Variants in SPTBN5 observed in about 807,000 individuals in gnomAD.
SPTBN5 encodes the protein spectrin beta chain, non-erythrocytic 5.
A neutral mutation model predicts 477.6 loss-of-function variants in SPTBN5; 513 were observed. The ratio of observed to expected loss-of-function variants is 1.07; its 90% CI spans 1.00 to 1.16. The LOEUF is 1.16. Ranked by LOEUF, SPTBN5 falls within the 50% of genes most tolerant of loss-of-function variation. The pLI, the probability that SPTBN5 is intolerant of heterozygous loss-of-function variation, is 0.00. For synonymous variants in SPTBN5, 2,169 were observed against 2,011.7 expected (o/e 1.08, Z -2.09); for missense variants, 5,062 against 4,731.8 (o/e 1.07, Z -2.05).
Position 41,855,750 on chromosome 15 carries a change from G to A in SPTBN5, c.9022-5C>T, listed in dbSNP as rs766672255. 2.1e-5 allele frequency: 33 copies of A among 1,570,352 alleles called. No individual in the cohort carries two copies. In the Admixed American group the frequency reaches 5.7e-4, roughly 27 times the overall value. The stretch of plus-strand genomic sequence containing the variant: ...CCAGGATCCCGCCTCCAGGAGCTGG[G>A]GGTGACAGAGTGGAGATCCGTTTTC... On this transcript the variant is annotated splice_region_variant and splice_polypyrimidine_tract_variant and intron_variant, in intron 53 of 67. Transcript: ENST00000320955.
chr15:41,849,310 A>G (rs1167690284), intron 67 of SPTBN5, among the ~76,000 whole-genome samples: 1 of 152,168 alleles, frequency 6.6e-6, no homozygotes, highest in Non-Finnish European at 1.5e-5. Context: ...GCCCCTGCAC[A>G]TCCACCTTCG....
intron 27 of SPTBN5, 144 bp downstream of exon 27, chr15:41,872,158 G>A (rs2066565547): frequency 2.6e-6 from 3 of 1,167,276 alleles, no homozygotes; most frequent in Admixed American, 5.7e-5. Flanking sequence ...TATGGAAAGA[G>A]GTGAGCAACA....
In SPTBN5 at chr15:41,848,604, C is replaced by T; in HGVS notation, c.*12G>A. 1.2e-6 allele frequency: 2 copies of T among 1,613,928 alleles called. No individual in the cohort carries two copies. The highest frequency in any genetic ancestry group is 1.1e-5 in the South Asian group (1 of 91,078). Reference sequence around the variant, plus strand: ...TGTGCCCCTGAAGTTTGGTGTTGCACTGGGGTTCACCTCAGGGATCAGACC... The same window carrying T: ...TGTGCCCCTGAAGTTTGGTGTTGCATTGGGGTTCACCTCAGGGATCAGACC... On this transcript the variant is annotated 3_prime_UTR_variant, in exon 68 of 68. Transcript: ENST00000320955.
intron 34 of SPTBN5, 145 bp from the exon 35 acceptor site, chr15:41,867,787 T>G: frequency 1.1e-6 from 1 of 876,920 alleles, no homozygotes; most frequent in Non-Finnish European, 1.8e-6. Context: ...GGAGTGGGAG[T>G]CCAGGTTGGG....
chr15:41,874,700 G>GAAT, intron 23 of SPTBN5, 142 bp downstream of exon 23: 1 of 943,002 alleles, frequency 1.1e-6, no homozygotes, highest in Non-Finnish European at 1.6e-6. Context: ...AAGCATAATG[G>GAAT]GGTCTCCGAC....
rs564280879 is a variant in SPTBN5 at position 41,891,769 on chromosome 15, C to A, written c.384+1125G>T. Among the ~76,000 whole-genome samples, 29 of 152,308 alleles carry A rather than the reference C, an allele frequency of 1.9e-4. No homozygotes were observed. In the South Asian group the frequency reaches 4.3e-3, roughly 23 times the overall value. ...CAGGGCATGGGAGCATCTCCATAAG[C>A]GAATGCATCCCTCATTCTGCCACAC... On this transcript the variant is annotated intron_variant, in intron 3 of 67. Coordinates refer to ENST00000320955, the MANE Select transcript of SPTBN5 (RefSeq NM_016642.4).
intron 41 of SPTBN5, among the ~76,000 whole-genome samples, chr15:41,863,352 CA>C (rs1567196733): frequency 1.3e-5 from 2 of 152,226 alleles, no homozygotes; most frequent in Admixed American, 6.5e-5. Flanking sequence ...GTTATGTACA[CA>C]GTCCCAGGGC....
In SPTBN5 at chr15:41,860,634, T is replaced by C; in HGVS notation, c.7940A>G (p.His2647Arg). ...ATARGLHQGG[H>R]PEAQSALGRC... ...GCCCAGGGCACTCTGGGCCTCGGGG[T>C]GCCCACCCTGGTGCAGGCCGCGGGC... Residue 2647 changes from histidine to arginine, a missense_variant, in exon 47 of 68, where the codon CAC (histidine) becomes CGC (arginine). Coordinates refer to ENST00000320955, the MANE Select transcript of SPTBN5 (RefSeq NM_016642.4). 1 of 1,533,560 alleles carries C rather than the reference T, an allele frequency of 6.5e-7. No homozygotes were observed. Among genetic ancestry groups the C allele is most frequent in the Non-Finnish European group, 8.8e-7 (1 of 1,138,918 alleles). The allele number at this position is 1,533,560 out of a possible 1,614,324, so 95.0% of individuals were successfully genotyped here.
rs991515926 is a variant in SPTBN5 at position 41,848,344 on chromosome 15, G to C, written c.*272C>G. 2.0e-5 allele frequency: 11 copies of C among 562,404 alleles called. No homozygotes were observed. The African/African-American group carries it at 2.1e-4, about 11-fold the overall frequency. 34.8% of individuals were successfully genotyped at this position (562,404 alleles called of 1,614,324 possible). A position where few individuals can be genotyped will look rare whatever the true frequency, so the allele number is the denominator to read the frequency against. ...AAGGAGGAGGCCACATGGGCCTGGG[G>C]TAGCCCTGGCCTTGCCCACCTGCTC... is the stretch of plus-strand genomic sequence containing the variant. On this transcript the variant is annotated 3_prime_UTR_variant, in exon 68 of 68. Transcript: ENST00000320955.
intron 5 of SPTBN5, 33 bp from the exon 6 acceptor site, chr15:41,887,474 C>A: frequency 2.0e-6 from 3 of 1,483,526 alleles, no homozygotes; most frequent in Middle Eastern, 3.5e-4. Flanking sequence ...TCTTCACCAG[C>A]AGGAACCTAC....
intron 66 of SPTBN5, 80 bp from the exon 67 acceptor site, chr15:41,850,039 C>A: frequency 9.3e-6 from 11 of 1,178,552 alleles, no homozygotes; most frequent in Non-Finnish European, 1.1e-5. Context: ...CTTCCTCCAG[C>A]TTCTGGAGGC....
At chr15:41,884,724 G>T (rs969244450) in intron 7 of SPTBN5, among the ~76,000 whole-genome samples, 2 of 152,088 alleles carry the variant, frequency 1.3e-5, no homozygotes, top group African/African-American at 2.4e-5. Flanking sequence ...ACTGTGCCCT[G>T]CAAGGCCCGA....
chr15:41,850,512 CAG>C (rs2065717446), intron 66 of SPTBN5: 1 of 315,720 alleles, frequency 3.2e-6, no homozygotes, highest in Non-Finnish European at 5.9e-6. Flanking sequence ...TCAGACAGAA[CAG>C]AGCCTGGAAA....
Position 41,862,457 on chromosome 15 carries a change from G to C in SPTBN5, c.7385+82C>G, listed in dbSNP as rs1205779370. On this transcript the variant is annotated intron_variant, in intron 43 of 67. Transcript: ENST00000320955. ...TTGAAGGGTGGAGAAGGAATCCTAG[G>C]GGAACACAGGGGCTGAGGGGAGGTG... 4.6e-6 allele frequency: 7 copies of C among 1,534,590 alleles called. No individual in the cohort carries two copies. The African/African-American group carries it at 9.6e-5, about 21-fold the overall frequency.
In SPTBN5 at chr15:41,893,274, A is replaced by G. The variant is rs1167963042; in HGVS notation, c.216+8T>C. The G allele has an allele frequency of 6.2e-7, 1 of 1,613,918 alleles. No individual in the cohort carries two copies. The highest frequency in any genetic ancestry group is 2.2e-5 in the East Asian group (1 of 44,876). ...GGTGGGCTGTGGGTCACAGCTGGCTATACTCACCTGGCCGCACTGGAAGAC... is the reference window on the plus strand; with the variant it reads ...GGTGGGCTGTGGGTCACAGCTGGCTGTACTCACCTGGCCGCACTGGAAGAC... On this transcript the variant is annotated splice_region_variant and intron_variant, in intron 2 of 67. Coordinates refer to ENST00000320955, the MANE Select transcript of SPTBN5 (RefSeq NM_016642.4).
Position 41,871,832 on chromosome 15 carries a change from G to T in SPTBN5, c.5251C>A (p.Gln1751Lys). 1 of 1,590,638 alleles carries T rather than the reference G, an allele frequency of 6.3e-7. No homozygotes were observed. ...AGGCTCTCCCCTCCTTTGGCTGCCT[G>T]CTTCTGGCTTGCCAGCCAGCCCTGC... ...DLQGWLASQK[Q>K]AAKGGESLGE... is the part of the protein sequence containing the mutation. The change falls in exon 28 of 68, where the codon CAG becomes AAG. Residue 1751 changes from glutamine (Q) to lysine (K), a missense_variant. Transcript: ENST00000320955.
At chr15:41,867,803 G>A (rs183189187) in intron 34 of SPTBN5, among the ~76,000 whole-genome samples, 161 bp from the exon 35 acceptor site, 2 of 152,324 alleles carry the variant, frequency 1.3e-5, no homozygotes, top group South Asian at 2.1e-4. Context: ...TTGGGAGGCT[G>A]CGATACCTCA....
Position 41,857,684 on chromosome 15 carries a change from GC to G in SPTBN5, c.8252del (p.Gly2751AlafsTer60). ...CCTGGATGGCCTCCGAGGCTGGGTG[GC>G]CCCCCTGCAGCAGCCTCTGTCCCTC... ...QREGQRLLQG[G>X]HPASEAIQER... On this transcript the variant is annotated frameshift_variant, in exon 50 of 68. Coordinates refer to ENST00000320955, the MANE Select transcript of SPTBN5 (RefSeq NM_016642.4). LOFTEE classifies it high-confidence loss of function. 3.2e-6 allele frequency: 5 copies of G among 1,580,436 alleles called. No individual in the cohort carries two copies. The highest frequency in any genetic ancestry group is 1.8e-5 in the Admixed American group (1 of 55,524).
At chr15:41,861,144 G>C (rs565004401) in intron 46 of SPTBN5, among the ~76,000 whole-genome samples, 1 of 152,252 alleles carries the variant, frequency 6.6e-6, no homozygotes, top group Non-Finnish European at 1.5e-5. Flanking sequence ...TTTGGGAAGC[G>C]AGGAGGGCAG....
Sources: gnomAD v4.1 joint callset for allele counts (sites outside exome capture counted in the v4.1 genomes callset) on GRCh38, gnomAD v4.1.1 for gene constraint, MANE v1.5 for transcripts, NCBI Gene and HGNC (gene_info 2026-07-23, HGNC 2026-07-21) for gene names.